Variants in SRD5A2 observed in about 807,000 individuals in gnomAD.
SRD5A2 encodes the protein steroid 5 alpha-reductase 2.
Under a neutral mutation model 27.4 loss-of-function variants are expected in SRD5A2, and 30 were observed. That is an observed-to-expected ratio of 1.10 (90% confidence interval 0.82 to 1.49). The LOEUF (loss-of-function observed/expected upper bound fraction) is 1.49. Among genes scored for constraint, SRD5A2 ranks in the 40% most tolerant of loss-of-function variants. The pLI is 0.00. For synonymous variants in SRD5A2, 141 were observed against 133.6 expected (o/e 1.06, Z -0.38); for missense variants, 348 against 323.4 (o/e 1.08, Z -0.58).
At chr2:31,622,641 G>T in the SRD5A2 span, among the ~76,000 whole-genome samples, 145 of 152,172 alleles carry the variant, frequency 9.5e-4, no homozygotes, top group African/African-American at 3.2e-3. Context: ...TCATCAATTT[G>T]CTGAGCATAC....
the SRD5A2 span, among the ~76,000 whole-genome samples, chr2:31,597,406 T>C: frequency 6.6e-6 from 1 of 151,948 alleles, no homozygotes; most frequent in Non-Finnish European, 1.5e-5. Flanking sequence ...TTCTAGACAT[T>C]GCCTTAGTCA....
the SRD5A2 span, among the ~76,000 whole-genome samples, chr2:31,604,571 T>C: frequency 1.3e-5 from 2 of 151,708 alleles, no homozygotes; most frequent in African/African-American, 4.8e-5. Context: ...ATGCATAAAA[T>C]TAAACACTTA....
the SRD5A2 span, among the ~76,000 whole-genome samples, chr2:31,609,164 A>G: frequency 3.9e-5 from 6 of 152,136 alleles, no homozygotes; most frequent in Non-Finnish European, 8.8e-5. Flanking sequence ...CTGTTTTTTA[A>G]GCCACACAGT....
At chr2:31,577,162 T>TAAAAAAAAAAAAAAAAAAA (rs10683997) in intron 1 of SRD5A2, among the ~76,000 whole-genome samples, 3 of 57,174 alleles carry the variant, frequency 5.2e-5, no homozygotes, top group African/African-American at 7.3e-5. Flanking sequence ...AAAAAAACAT[T>TAAAAAAAAAAAAAAAAAAA]AAAAAAAAAA....
chr2:31,594,893 C>A, the SRD5A2 span, among the ~76,000 whole-genome samples: 14 of 152,112 alleles, frequency 9.2e-5, no homozygotes, highest in Non-Finnish European at 1.9e-4. Flanking sequence ...TGGAAATTAA[C>A]TCCAAAAAGG....
At chr2:31,614,691 C>T in the SRD5A2 span, among the ~76,000 whole-genome samples, 1 of 152,330 alleles carries the variant, frequency 6.6e-6, no homozygotes, top group East Asian at 1.9e-4. Context: ...CTGCAGAAAA[C>T]TTCTGCCTGG....
At position 31,551,439 on chromosome 2, in the gene SRD5A2, T is replaced by C. The variant is rs559222691; in HGVS notation, c.282-17673A>G. 2.0e-5 allele frequency among the ~76,000 whole-genome samples: 3 copies of C among 152,298 alleles called. No homozygotes were observed. In the South Asian group the frequency reaches 6.2e-4, roughly 32 times the overall value. ...AAGTTGAAAATACATTTAATACAAC[T>C]AACCCACCAAATATAACAGCTTAGC... On this transcript the variant is annotated intron_variant, in intron 1 of 4. Coordinates refer to ENST00000622030, the MANE Select transcript of SRD5A2 (RefSeq NM_000348.4).
chr2:31,578,838 T>C (rs1033836734), intron 1 of SRD5A2, among the ~76,000 whole-genome samples: 1 of 152,208 alleles, frequency 6.6e-6, no homozygotes, highest in African/African-American at 2.4e-5. Flanking sequence ...GCCTTTTGAT[T>C]TCAAAAACAA....
At chr2:31,620,250 G>A in the SRD5A2 span, among the ~76,000 whole-genome samples, 1 of 151,960 alleles carries the variant, frequency 6.6e-6, no homozygotes, top group Non-Finnish European at 1.5e-5. Flanking sequence ...AGCAAAAGCT[G>A]GAAGCATTTA....
intron 1 of SRD5A2, among the ~76,000 whole-genome samples, chr2:31,547,528 C>T (rs1026642198): frequency 1.3e-5 from 2 of 152,182 alleles, no homozygotes; most frequent in Non-Finnish European, 2.9e-5. Context: ...CTTCTGGAGC[C>T]AGAATTCATT....
At chr2:31,627,160 T>C in the SRD5A2 span, among the ~76,000 whole-genome samples, 1 of 152,162 alleles carries the variant, frequency 6.6e-6, no homozygotes, top group African/African-American at 2.4e-5. Context: ...GTATTTATAG[T>C]ATTATCTCAT....
At chr2:31,559,918 T>C (rs922077766) in intron 1 of SRD5A2, among the ~76,000 whole-genome samples, 1 of 150,852 alleles carries the variant, frequency 6.6e-6, no homozygotes, top group Non-Finnish European at 1.5e-5. Flanking sequence ...AAGTAAGCTC[T>C]GAAGAGTAAT....
chr2:31,564,461 G>T (rs528671389), intron 1 of SRD5A2, among the ~76,000 whole-genome samples: 1 of 151,950 alleles, frequency 6.6e-6, no homozygotes, highest in Non-Finnish European at 1.5e-5. Context: ...ATTTTCCTCA[G>T]CAAAAGAAAG....
At chr2:31,614,562 T>G in the SRD5A2 span, among the ~76,000 whole-genome samples, 1 of 152,178 alleles carries the variant, frequency 6.6e-6, no homozygotes, top group African/African-American at 2.4e-5. Context: ...CGTAGGACAG[T>G]GGCCTCTTCT....
At chr2:31,583,553 A>G (rs961553744), upstream of SRD5A2, among the ~76,000 whole-genome samples, 2 of 146,978 alleles carry the variant, frequency 1.4e-5, no homozygotes, top group African/African-American at 2.5e-5. Flanking sequence ...CACCTAGGTC[A>G]AGATACAGAT....
rs1259210638 is a variant in SRD5A2 at position 31,570,402 on chromosome 2, A to G, written c.281+10218T>C. On this transcript the variant is annotated intron_variant, in intron 1 of 4. Transcript: ENST00000622030. ...AAAATAACAAGAGCCATCAATGACA[A>G]ACCCACAGCTAACATCATACTGAAT... Among the ~76,000 whole-genome samples the G allele has an allele frequency of 2.0e-5, 3 of 152,206 alleles. No homozygotes were observed. In the East Asian group the frequency reaches 5.8e-4, roughly 29 times the overall value.
the SRD5A2 span, among the ~76,000 whole-genome samples, chr2:31,603,007 C>T: frequency 6.6e-6 from 1 of 151,938 alleles, no homozygotes; most frequent in Non-Finnish European, 1.5e-5. Flanking sequence ...TAGGTATGGG[C>T]AAACATTTCA....
At chr2:31,581,888 C>G (rs1314710995), upstream of SRD5A2, among the ~76,000 whole-genome samples, 1 of 152,218 alleles carries the variant, frequency 6.6e-6, no homozygotes, top group Non-Finnish European at 1.5e-5. Context: ...TTTCTCTCTT[C>G]CGTTTCCCAC....
At chr2:31,644,664 A>G in the SRD5A2 span, among the ~76,000 whole-genome samples, 1 of 152,202 alleles carries the variant, frequency 6.6e-6, no homozygotes, top group Non-Finnish European at 1.5e-5. Flanking sequence ...GACCCGTACC[A>G]GTCCACAGCC....
Sources: gnomAD v4.1 joint callset for allele counts (sites outside exome capture counted in the v4.1 genomes callset) on GRCh38, gnomAD v4.1.1 for gene constraint, MANE v1.5 for transcripts, NCBI Gene and HGNC (gene_info 2026-07-23, HGNC 2026-07-21) for gene names.